Variants in ATG2A observed in about 807,000 individuals in gnomAD.
The protein encoded by ATG2A is autophagy related 2A, also known as autophagy-related protein 2 homolog A.
A neutral mutation model predicts 214.2 loss-of-function variants in ATG2A; 103 were observed. The observed-to-expected ratio is 0.48, with a 90% CI of 0.41 to 0.57. The LOEUF is 0.57. Among genes scored for constraint, ATG2A ranks in the 20% least tolerant of loss-of-function variants. The pLI is 0.00. For synonymous variants in ATG2A, 1,160 were observed against 1,142.1 expected, an observed-to-expected ratio of 1.02 and a Z score of -0.32; for missense variants, 2,312 against 2,613.2, an observed-to-expected ratio of 0.88 and a Z score of 2.51.
In ATG2A at chr11:64,909,252, G is replaced by A; in HGVS notation, c.2204+19C>T. 6.2e-7 allele frequency: 1 copy of A among 1,613,308 alleles called. No homozygotes were observed. The highest frequency in any genetic ancestry group is 2.2e-5 in the East Asian group (1 of 44,884). ...GCAGAACCCTCCTCTCCTGGGCCCAGTCCAGAGCCCCTACTTACTGGGGCA... is the reference window on the plus strand; with the variant it reads ...GCAGAACCCTCCTCTCCTGGGCCCAATCCAGAGCCCCTACTTACTGGGGCA... On this transcript the variant is annotated intron_variant, in intron 15 of 40. Coordinates refer to ENST00000377264, the MANE Select transcript of ATG2A (RefSeq NM_015104.3).
intron 9 of ATG2A, 49 bp downstream of exon 9, chr11:64,911,793 C>G: frequency 6.2e-7 from 1 of 1,608,488 alleles, no homozygotes; most frequent in Non-Finnish European, 8.5e-7. Context: ...ACTAAGGCCT[C>G]TTCCAGTCCT....
Position 64,902,182 on chromosome 11 carries a change from GGAGA to G in ATG2A, c.3905-10_3905-7del. On this transcript the variant is annotated splice_region_variant and splice_polypyrimidine_tract_variant and intron_variant, in intron 28 of 40. Transcript: ENST00000377264. ...CGCCTGAGGGAGGTGGCCACCTATA[GGAGA>G]GAGGCCAGTTTGGAGAGGCGCCCAC... 1 of 1,612,926 alleles carries G rather than the reference GGAGA, an allele frequency of 6.2e-7. No individual in the cohort carries two copies.
At position 64,898,019 on chromosome 11, in the gene ATG2A, C is replaced by T. The variant is rs201924154; in HGVS notation, c.4859-45G>A. 1.4e-4 allele frequency: 225 copies of T among 1,596,742 alleles called. No individual in the cohort carries two copies. In the African/African-American group the frequency reaches 2.8e-3, roughly 20 times the overall value. On this transcript the variant is annotated intron_variant, in intron 34 of 40. Transcript: ENST00000377264. This position sits in a 1 kb window ranked among gnomAD's most constrained non-coding sequence, Gnocchi z 4.5. ...AGACTGGGGATGGGGCCAGGAATGA[C>T]TGGGAACCTGTGCTGTCCTGGGAGG...
chr11:64,913,471 C>T lies in ATG2A; in HGVS notation c.591-70G>A. On this transcript the variant is annotated intron_variant, in intron 4 of 40. Transcript: ENST00000377264. This position sits in a 1 kb window ranked among gnomAD's most constrained non-coding sequence, Gnocchi z 4.3. ...GGAGCCCCTCTCTCCACACAGTGCTCTGCTCTAGGGGCACGGGGTCAGGGA... is the reference window on the plus strand; with the variant it reads ...GGAGCCCCTCTCTCCACACAGTGCTTTGCTCTAGGGGCACGGGGTCAGGGA... 1 of 1,482,898 alleles carries T rather than the reference C, an allele frequency of 6.7e-7. No individual in the cohort carries two copies. Among genetic ancestry groups the T allele is most frequent in the Non-Finnish European group, 9.0e-7 (1 of 1,111,490 alleles). 91.9% of individuals were successfully genotyped at this position (1,482,898 alleles called of 1,614,324 possible).
Position 64,903,270 on chromosome 11 carries a change from A to T in ATG2A, c.3612+18T>A. The T allele has an allele frequency of 1.2e-6, 2 of 1,612,768 alleles. No homozygotes were observed. The highest frequency in any genetic ancestry group is 1.7e-6 in the Non-Finnish European group (2 of 1,179,218). On this transcript the variant is annotated intron_variant, in intron 26 of 40. Transcript: ENST00000377264. This position sits in a 1 kb window ranked among gnomAD's most constrained non-coding sequence, Gnocchi z 4.2. Reference sequence around the variant, plus strand: ...CACCTGCTGTGGCTCCAGGAGCCAGAGTGACAGCCTCACTCACCAGTTTGC... The same window carrying T: ...CACCTGCTGTGGCTCCAGGAGCCAGTGTGACAGCCTCACTCACCAGTTTGC...
At chr11:64,914,046 G>A in intron 3 of ATG2A, 35 bp downstream of exon 3, 3 of 1,539,966 alleles carry the variant, frequency 1.9e-6, no homozygotes, top group Non-Finnish European at 2.6e-6. Flanking sequence ...CCACTGAAGG[G>A]CAGGAGACAG....
In ATG2A at chr11:64,903,151, C is replaced by T. The variant is rs550642698; in HGVS notation, c.3612+137G>A. 8 of 759,568 alleles carry T rather than the reference C, an allele frequency of 1.1e-5. No homozygotes were observed. The highest frequency in any genetic ancestry group is 5.3e-5 in the East Asian group (2 of 37,456). 47.1% of individuals were successfully genotyped at this position (759,568 alleles called of 1,614,324 possible). A position where few individuals can be genotyped will look rare whatever the true frequency, so the allele number is the denominator to read the frequency against. On this transcript the variant is annotated intron_variant, in intron 26 of 40. Transcript: ENST00000377264. The surrounding 1 kb of genome is among the most constrained non-coding windows in gnomAD (Gnocchi z 4.2). Reference sequence around the variant, plus strand: ...GTACTATGGCCCTTTGCAGGAGGGGCGCTAACTGCAGCCCAGGAAGGGCAG... The same window carrying T: ...GTACTATGGCCCTTTGCAGGAGGGGTGCTAACTGCAGCCCAGGAAGGGCAG...
rs527668391 is a variant in ATG2A, at chr11:64,900,063, G to A, written c.4464+431C>T. Among the ~76,000 whole-genome samples the A allele has an allele frequency of 2.9e-5, 4 of 138,118 alleles. No homozygotes were observed. In the East Asian group the frequency reaches 6.2e-4, roughly 21 times the overall value. 90.6% of individuals were successfully genotyped at this position (138,118 alleles called of 152,430 possible). On this transcript the variant is annotated intron_variant, in intron 31 of 40. Transcript: ENST00000377264. ...TTTTTTTTGGTAGAAATGGGGTTTC[G>A]CCATGTTGCCCAGGCTGGTCTCAAA...
At chr11:64,912,591 TTTC>T (rs1590657783) in intron 6 of ATG2A, 168 bp from the exon 7 acceptor site, 1 of 593,268 alleles carries the variant, frequency 1.7e-6, no homozygotes. Flanking sequence ...TCAGCCTCAG[TTTC>T]TTTTTTTCTT....
intron 26 of ATG2A, 83 bp from the exon 27 acceptor site, chr11:64,902,763 C>A: frequency 7.6e-7 from 1 of 1,316,964 alleles, no homozygotes; most frequent in Non-Finnish European, 1.1e-6. Flanking sequence ...GGGAGGGCAC[C>A]GCAGTTCTGA....
At position 64,902,098 on chromosome 11, in the gene ATG2A, G is replaced by A. The variant is rs1248865290; in HGVS notation, c.3983C>T (p.Pro1328Leu). 1 of 1,613,870 alleles carries A rather than the reference G, an allele frequency of 6.2e-7. No homozygotes were observed. Among genetic ancestry groups the A allele is most frequent in the African/African-American group, 1.3e-5 (1 of 74,932 alleles). The change falls in exon 29 of 41, where the codon CCA (proline) becomes CTA (leucine). Residue 1328 changes from proline to leucine, a missense_variant. Coordinates refer to ENST00000377264, the MANE Select transcript of ATG2A (RefSeq NM_015104.3). ...GERSGAPPPSPPVGGPAGSLG... is the reference protein window; with the variant it reads ...GERSGAPPPSLPVGGPAGSLG... ...GCTGCCAGCAGGGCCCCCGACAGGT[G>A]GTGAAGGGGGTGGGGCCCCACTCCG...
At chr11:64,900,785 G>A (rs1944324643) in intron 30 of ATG2A, 99 bp downstream of exon 30, 1 of 1,446,346 alleles carries the variant, frequency 6.9e-7, no homozygotes, top group African/African-American at 1.4e-5. Context: ...GCCCACCTGG[G>A]GTGGATGGGG....
chr11:64,912,447 G>A (rs1177577390), intron 6 of ATG2A, 24 bp from the exon 7 acceptor site: 1 of 1,538,100 alleles, frequency 6.5e-7, no homozygotes, highest in Non-Finnish European at 8.8e-7. Flanking sequence ...AGGCAGCCAT[G>A]GAGCCTAGGC....
rs552312911 is a variant in ATG2A, at chr11:64,894,762, C to G, written c.*211G>C. 2 of 728,394 alleles carry G rather than the reference C, an allele frequency of 2.7e-6. No individual in the cohort carries two copies. Among genetic ancestry groups the G allele is most frequent in the Admixed American group, 2.0e-5 (1 of 50,370 alleles). The allele number at this position is 728,394 out of a possible 1,614,324, so 45.1% of individuals were successfully genotyped here. A position where few individuals can be genotyped will look rare whatever the true frequency, so the allele number is the denominator to read the frequency against. On this transcript the variant is annotated 3_prime_UTR_variant, in exon 41 of 41. Transcript: ENST00000377264. ...GGTCGGGGGAGGGGCAGTGTCCTTT[C>G]TCCCCGGAGGAAAAGTGCAGAGCCA...
At chr11:64,897,544 G>C (rs1156677539) in intron 36 of ATG2A, 50 bp from the exon 37 acceptor site, 1 of 1,595,584 alleles carries the variant, frequency 6.3e-7, no homozygotes, top group African/African-American at 1.3e-5. Context: ...CAGGGAGCTA[G>C]CTAGCCCATG....
At chr11:64,896,267 G>T (rs758851270) in intron 39 of ATG2A, among the ~76,000 whole-genome samples, 195 bp downstream of exon 39, 2 of 152,250 alleles carry the variant, frequency 1.3e-5, no homozygotes, top group Non-Finnish European at 2.9e-5. Context: ...GGGAGCCCCT[G>T]TGGGCCTCGG....
chr11:64,909,474 T>C (rs775611354), intron 14 of ATG2A, 107 bp from the exon 15 acceptor site: 5 of 1,392,602 alleles, frequency 3.6e-6, no homozygotes, highest in Non-Finnish European at 5.0e-6. Flanking sequence ...ACACACACCT[T>C]GGTGGGCAGA....
chr11:64,900,385 C>T, intron 31 of ATG2A, 109 bp downstream of exon 31: 1 of 1,549,774 alleles, frequency 6.5e-7, no homozygotes, highest in Non-Finnish European at 8.8e-7. Context: ...TCCTCCACTA[C>T]AAAGGCAGGG....
chr11:64,900,663 A>G (rs577087656), intron 30 of ATG2A, 34 bp from the exon 31 acceptor site: 1 of 1,561,102 alleles, frequency 6.4e-7, no homozygotes. Flanking sequence ...GCTGACTCAG[A>G]GGAACCCCAT....
Sources: allele counts gnomAD v4.1 joint callset (sites outside exome capture counted in the v4.1 genomes callset), GRCh38; gene constraint gnomAD v4.1.1; non-coding constraint Gnocchi (gnomAD v3.1); transcripts MANE v1.5; gene names NCBI Gene and HGNC (gene_info 2026-07-23, HGNC 2026-07-21).